CHODL: variants seen among roughly 807,000 people sequenced by gnomAD.
CHODL encodes the protein chondrolectin.
In CHODL, 29 loss-of-function variants were observed where a neutral mutation model predicts 34.5. That is an observed-to-expected ratio of 0.84 (90% CI 0.63 to 1.15). The LOEUF (loss-of-function observed/expected upper bound fraction) is 1.15, where lower values mean the gene tolerates loss of function less well. Among genes scored for constraint, CHODL ranks in the 50% most tolerant of loss-of-function variants. The pLI is 0.00. For synonymous variants in CHODL, 125 were observed against 116.1 expected (o/e 1.08, Z -0.49); for missense variants, 332 against 332.5 (o/e 1.00, Z 0.01).
intron 2 of CHODL, among the ~76,000 whole-genome samples, chr21:18,029,039 TTC>T (rs1299359459): frequency 3.9e-5 from 6 of 152,022 alleles, no homozygotes; most frequent in Admixed American, 2.0e-4. Context: ...CCATTATGCT[TTC>T]TCTTTCTCAC....
chr21:18,088,151 G>A (rs756574361), intron 2 of CHODL, among the ~76,000 whole-genome samples: 1 of 152,190 alleles, frequency 6.6e-6, no homozygotes, highest in Non-Finnish European at 1.5e-5. Context: ...GATTTGGGCA[G>A]TGACACGAGC....
Position 18,105,338 on chromosome 21 carries a change from C to G in CHODL, c.-45+77367C>G, listed in dbSNP as rs530695539. On this transcript the variant is annotated intron_variant, in intron 2 of 6. Coordinates refer to the CHODL transcript ENST00000400127. Reference sequence around the variant, plus strand: ...AGCTGTGGTATTCATACTAGACTTGCTTTGTTGCAGGATTTTATCCCAATT... The same window carrying G: ...AGCTGTGGTATTCATACTAGACTTGGTTTGTTGCAGGATTTTATCCCAATT... 1.4e-4 allele frequency among the ~76,000 whole-genome samples: 22 copies of G among 152,262 alleles called. No individual in the cohort carries two copies. In the South Asian group the frequency reaches 4.6e-3, roughly 32 times the overall value.
Position 18,030,851 on chromosome 21 carries a change from T to C in CHODL, c.-45+2880T>C, listed in dbSNP as rs2064239207. 2.0e-5 allele frequency among the ~76,000 whole-genome samples: 3 copies of C among 152,068 alleles called. No individual in the cohort carries two copies. In the East Asian group the frequency reaches 5.8e-4, roughly 29 times the overall value. On this transcript the variant is annotated intron_variant, in intron 2 of 6. Transcript: ENST00000400127. ...TCCAGTGTTTGCTACCTTAGAAAAA[T>C]AGTAGAGGTATGTGGAATTTAAAGT...
chr21:18,194,334 G>A (rs1167959885), intron 2 of CHODL, among the ~76,000 whole-genome samples: 1 of 151,994 alleles, frequency 6.6e-6, no homozygotes, highest in East Asian at 1.9e-4. Context: ...CACATCTGTG[G>A]CTTCATCCTG....
intron 1 of CHODL, among the ~76,000 whole-genome samples, chr21:18,006,944 C>A (rs1361575102): frequency 6.6e-6 from 1 of 152,198 alleles, no homozygotes; most frequent in Admixed American, 6.5e-5. Context: ...GTTGCAGATG[C>A]AACTGTGAGC....
chr21:18,132,179 T>C (rs1274113669), intron 2 of CHODL, among the ~76,000 whole-genome samples: 1 of 152,132 alleles, frequency 6.6e-6, no homozygotes, highest in Non-Finnish European at 1.5e-5. Flanking sequence ...TTTTGACCAT[T>C]AATTTTAAAT....
Position 18,184,855 on chromosome 21 carries a change from C to A in CHODL, c.-44-71654C>A, listed in dbSNP as rs185145601. Among the ~76,000 whole-genome samples, 30 of 152,278 alleles carry A rather than the reference C, an allele frequency of 2.0e-4. No homozygotes were observed. The East Asian group carries it at 4.4e-3, about 23-fold the overall frequency. On this transcript the variant is annotated intron_variant, in intron 2 of 6. Transcript: ENST00000400127. ...AAAACCATTCCTATCTGGAGAGCTGCAAACAAATGGGACCTAGTTCTTCGT... is the reference window on the plus strand; with the variant it reads ...AAAACCATTCCTATCTGGAGAGCTGAAAACAAATGGGACCTAGTTCTTCGT...
intron 2 of CHODL, among the ~76,000 whole-genome samples, chr21:18,051,810 A>C (rs2065638836): frequency 1.3e-5 from 2 of 151,986 alleles, no homozygotes; most frequent in African/African-American, 2.4e-5. Flanking sequence ...GTTGATGAAG[A>C]AAATAAATCA....
rs180739076 is a variant in CHODL at position 17,993,881 on chromosome 21, C to A, written c.-144-33991C>A. ...TCTCCAGAACCTTTTTCTAGACTTT[C>A]CAATTTGTTAGCATATAGCTTTTCA... On this transcript the variant is annotated intron_variant, in intron 1 of 6. Coordinates refer to the CHODL transcript ENST00000400127. Among the ~76,000 whole-genome samples the A allele has an allele frequency of 4.1e-3, 628 of 152,270 alleles. 4 individuals are homozygous for A. In the Middle Eastern group the frequency reaches 0.048, roughly 12 times the overall value.
At chr21:18,079,998 A>G (rs890128237) in intron 2 of CHODL, among the ~76,000 whole-genome samples, 3 of 151,858 alleles carry the variant, frequency 2.0e-5, no homozygotes, top group Non-Finnish European at 2.9e-5. Context: ...GCCAACATCT[A>G]TTGTTTTCTG....
chr21:18,161,962 T>A (rs2073100899), intron 2 of CHODL, among the ~76,000 whole-genome samples: 1 of 152,170 alleles, frequency 6.6e-6, no homozygotes, highest in South Asian at 2.1e-4. Flanking sequence ...TGGTTGAGCT[T>A]TCACAAAATG....
At chr21:18,083,782 C>T (rs971391216) in intron 2 of CHODL, among the ~76,000 whole-genome samples, 2 of 152,198 alleles carry the variant, frequency 1.3e-5, no homozygotes, top group African/African-American at 4.8e-5. Flanking sequence ...TATCCAATGC[C>T]TGTATTCCCA....
intron 1 of CHODL, among the ~76,000 whole-genome samples, chr21:17,925,436 A>G (rs1011679072): frequency 1.3e-5 from 2 of 152,218 alleles, no homozygotes; most frequent in African/African-American, 4.8e-5. Flanking sequence ...TTGGCCACAC[A>G]TTTGAAGTGT....
intron 2 of CHODL, among the ~76,000 whole-genome samples, chr21:18,169,473 C>T (rs931779123): frequency 6.6e-6 from 1 of 151,546 alleles, no homozygotes; most frequent in Non-Finnish European, 1.5e-5. Flanking sequence ...ATCTTTATGC[C>T]AAGACCACAG....
chr21:18,145,815 A>G (rs1478395446), intron 2 of CHODL, among the ~76,000 whole-genome samples: 1 of 152,220 alleles, frequency 6.6e-6, no homozygotes, highest in Non-Finnish European at 1.5e-5. Flanking sequence ...TGACTGGGAA[A>G]GATTCAGATC....
intron 2 of CHODL, among the ~76,000 whole-genome samples, chr21:18,064,758 C>T (rs574745286): frequency 6.6e-6 from 1 of 152,254 alleles, no homozygotes; most frequent in East Asian, 1.9e-4. Context: ...TCCGCACACA[C>T]ACATGCGCGC....
chr21:18,089,728 T>C (rs1157485626), intron 2 of CHODL, among the ~76,000 whole-genome samples: 1 of 151,882 alleles, frequency 6.6e-6, no homozygotes, highest in African/African-American at 2.4e-5. Flanking sequence ...AAAATGACAA[T>C]AAAGAAATAA....
intron 1 of CHODL, among the ~76,000 whole-genome samples, chr21:17,945,394 C>T (rs1019651682): frequency 1.3e-5 from 2 of 151,356 alleles, no homozygotes; most frequent in African/African-American, 4.9e-5. Context: ...AGAATATTGA[C>T]AAGAAAATAG....
At chr21:18,145,570 G>T (rs1484067095) in intron 2 of CHODL, among the ~76,000 whole-genome samples, 1 of 152,086 alleles carries the variant, frequency 6.6e-6, no homozygotes, top group African/African-American at 2.4e-5. Flanking sequence ...ATAGAATGGA[G>T]GGTGGGCTGT....
Sources: allele counts gnomAD v4.1 joint callset (sites outside exome capture counted in the v4.1 genomes callset), GRCh38; gene constraint gnomAD v4.1.1; transcripts MANE v1.5; gene names NCBI Gene and HGNC (gene_info 2026-07-23, HGNC 2026-07-21).